The following THSD7A variants were observed in gnomAD, a reference collection of about 807,000 sequenced individuals.
THSD7A encodes the protein thrombospondin type-1 domain-containing protein 7A.
THSD7A carries 96 observed loss-of-function variants against 231.3 expected under a neutral mutation model. The ratio of observed to expected loss-of-function variants is 0.41; its 90% confidence interval spans 0.35 to 0.49. The LOEUF (loss-of-function observed/expected upper bound fraction) is 0.49. Among genes scored for constraint, THSD7A ranks in the 20% least tolerant of loss-of-function variants. The probability of loss-of-function intolerance (pLI) is 0.05; values close to 1 mark genes in which losing one functional copy is unlikely to be tolerated. For missense variants in THSD7A, 2,290 were observed against 2,070.2 expected (o/e 1.11, Z -2.06); for synonymous variants, 940 against 743.3 (o/e 1.26, Z -4.30).
chr7:11,719,164 T>C (rs1374721803), intron 1 of THSD7A, among the ~76,000 whole-genome samples: 2 of 151,622 alleles, frequency 1.3e-5, no homozygotes, highest in Admixed American at 6.6e-5. Context: ...ATTTAAAACA[T>C]AGATTAGCAA....
In THSD7A at chr7:11,739,307, T is replaced by G. The variant is rs79909574; in HGVS notation, c.190+92450A>C. Among the ~76,000 whole-genome samples the G allele has an allele frequency of 4.4e-4, 67 of 152,122 alleles. 2 individuals carry two copies. The East Asian group carries it at 0.013, about 29-fold the overall frequency. ...AAATATAGACAATGGAATTAAAATT[T>G]AAGACAGTGTTAACTTGAAGGTCCT... On this transcript the variant is annotated intron_variant, in intron 1 of 27. Coordinates refer to ENST00000423059, the MANE Select transcript of THSD7A (RefSeq NM_015204.3).
At chr7:11,689,885 G>C (rs1345600275) in intron 1 of THSD7A, among the ~76,000 whole-genome samples, 1 of 149,628 alleles carries the variant, frequency 6.7e-6, no homozygotes, top group Non-Finnish European at 1.5e-5. Flanking sequence ...CCAGAGATTT[G>C]TATCTGCCCA....
Position 11,758,010 on chromosome 7 carries a change from C to CATATATATATAT in THSD7A, c.190+73735_190+73746dup, listed in dbSNP as rs3037680. Among the ~76,000 whole-genome samples the CATATATATATAT allele has an allele frequency of 1.5e-3, 208 of 142,802 alleles. 2 individuals are homozygous for CATATATATATAT. In the East Asian group the frequency reaches 0.019, roughly 13 times the overall value. 93.7% of individuals were successfully genotyped at this position (142,802 alleles called of 152,430 possible). Reference sequence around the variant, plus strand: ...CTAACATTATATATACATATGCATTCATATATATATATATATATATATATA... The same window carrying CATATATATATAT: ...CTAACATTATATATACATATGCATTCATATATATATATATATATATATATATATATATATATA... On this transcript the variant is annotated intron_variant, in intron 1 of 27. Coordinates refer to ENST00000423059, the MANE Select transcript of THSD7A (RefSeq NM_015204.3).
At chr7:11,597,859 G>C (rs1780419809) in intron 2 of THSD7A, among the ~76,000 whole-genome samples, 1 of 152,184 alleles carries the variant, frequency 6.6e-6, no homozygotes, top group African/African-American at 2.4e-5. Flanking sequence ...ACATGAGGAA[G>C]TGGCTCAAAT....
Position 11,820,590 on chromosome 7 carries a change from C to G in THSD7A, c.190+11167G>C, listed in dbSNP as rs1020709398. 9 of 711,514 alleles carry G rather than the reference C, an allele frequency of 1.3e-5. No homozygotes were observed. The African/African-American group carries it at 1.6e-4, about 13-fold the overall frequency. 44.1% of individuals were successfully genotyped at this position (711,514 alleles called of 1,614,324 possible). A position where few individuals can be genotyped will look rare whatever the true frequency, so the allele number is the denominator to read the frequency against. ...GTTATTGTTCCCAGAGTAGTTGCCT[C>G]TGTCCTGGCCTCTTCCTCTGGCTTG... On this transcript the variant is annotated intron_variant, in intron 1 of 27. Coordinates refer to ENST00000423059, the MANE Select transcript of THSD7A (RefSeq NM_015204.3).
chr7:11,710,099 T>TAAA (rs527947564), intron 1 of THSD7A, among the ~76,000 whole-genome samples: 3 of 150,424 alleles, frequency 2.0e-5, no homozygotes, highest in Non-Finnish European at 4.5e-5. Context: ...TATTTTTTTT[T>TAAA]AAAAAATGAG....
intron 1 of THSD7A, among the ~76,000 whole-genome samples, chr7:11,646,572 G>A (rs1405327): frequency 2.6e-5 from 4 of 151,784 alleles, no homozygotes; most frequent in Admixed American, 1.3e-4. Flanking sequence ...ATGTGAAATG[G>A]ACAAAACTTT....
intron 22 of THSD7A, among the ~76,000 whole-genome samples, chr7:11,403,170 A>C (rs7777321): frequency 0.42 from 63,320 of 151,956 alleles, 14,109 homozygotes; most frequent in African/African-American, 0.58. Context: ...CTTATTTATT[A>C]TAGCCAGGTC....
intron 1 of THSD7A, among the ~76,000 whole-genome samples, chr7:11,721,635 C>T (rs765281886): frequency 6.6e-6 from 1 of 151,888 alleles, no homozygotes; most frequent in African/African-American, 2.4e-5. Flanking sequence ...TGCCTCTCAT[C>T]TGGATTACTA....
intron 23 of THSD7A, among the ~76,000 whole-genome samples, chr7:11,393,239 G>T (rs1176713112): frequency 6.6e-6 from 1 of 152,208 alleles, no homozygotes; most frequent in African/African-American, 2.4e-5. Flanking sequence ...GTGATATCCA[G>T]GCAAACAGGG....
intron 1 of THSD7A, among the ~76,000 whole-genome samples, chr7:11,734,990 A>G (rs989798475): frequency 5.9e-5 from 9 of 151,960 alleles, no homozygotes; most frequent in Non-Finnish European, 1.0e-4. Flanking sequence ...GCCCACCTAT[A>G]TAAGTTGTAA....
chr7:11,372,955 C>T lies in THSD7A; in HGVS notation c.*2839G>A, dbSNP rs990373616. ...CGTTCTCCTCTTTCCACCTTTCTAA[C>T]GAGGTTATCCAGTATTTATTTATCC... On this transcript the variant is annotated 3_prime_UTR_variant, in exon 28 of 28. Coordinates refer to ENST00000423059, the MANE Select transcript of THSD7A (RefSeq NM_015204.3). The T allele has an allele frequency of 2.6e-5, 4 of 151,826 alleles. No homozygotes were observed. Among genetic ancestry groups the T allele is most frequent in the Non-Finnish European group, 5.9e-5 (4 of 67,934 alleles). 9.4% of individuals were successfully genotyped at this position (151,826 alleles called of 1,614,324 possible). A position where few individuals can be genotyped will look rare whatever the true frequency, so the allele number is the denominator to read the frequency against.
chr7:11,622,507 G>A (rs1010931363), intron 2 of THSD7A, among the ~76,000 whole-genome samples: 2 of 152,108 alleles, frequency 1.3e-5, no homozygotes, highest in South Asian at 4.1e-4. Flanking sequence ...GAAATAAGTT[G>A]TAAAGTTCTG....
chr7:11,760,258 A>C (rs1051229503), intron 1 of THSD7A, among the ~76,000 whole-genome samples: 1 of 152,132 alleles, frequency 6.6e-6, no homozygotes, highest in African/African-American at 2.4e-5. Context: ...AGTAAAGTTA[A>C]GTACATTTGC....
chr7:11,648,637 C>CGTGTGTGTGTGTGTGTGTGT (rs3031455), intron 1 of THSD7A, among the ~76,000 whole-genome samples: 1,580 of 141,092 alleles, frequency 0.011, 31 homozygotes, highest in African/African-American at 0.025. Context: ...TATTTTGTGG[C>CGTGTGTGTGTGTGTGTGTGT]GTGTGTGTGT....
At chr7:11,829,084 A>T (rs1423672405) in intron 1 of THSD7A, among the ~76,000 whole-genome samples, 1 of 152,022 alleles carries the variant, frequency 6.6e-6, no homozygotes, top group Non-Finnish European at 1.5e-5. Context: ...AATATAGTAT[A>T]TAATACATAT....
At chr7:11,482,018 T>G in intron 6 of THSD7A, 36 bp from the exon 7 acceptor site, 1 of 1,530,730 alleles carries the variant, frequency 6.5e-7, no homozygotes, top group Non-Finnish European at 8.8e-7. Context: ...CTATTATTGT[T>G]AAATTAATGT....
At chr7:11,721,254 C>T (rs1299243633) in intron 1 of THSD7A, among the ~76,000 whole-genome samples, 2 of 151,790 alleles carry the variant, frequency 1.3e-5, no homozygotes, top group African/African-American at 2.4e-5. Flanking sequence ...ACTCAAATTT[C>T]CTGTCAAATT....
intron 1 of THSD7A, among the ~76,000 whole-genome samples, chr7:11,681,465 G>A (rs1262784048): frequency 6.6e-6 from 1 of 151,888 alleles, no homozygotes; most frequent in Non-Finnish European, 1.5e-5. Flanking sequence ...GAATACAGCT[G>A]GAAGCCCCAA....
Sources: allele counts gnomAD v4.1 joint callset (sites outside exome capture counted in the v4.1 genomes callset), GRCh38; gene constraint gnomAD v4.1.1; transcripts MANE v1.5; gene names NCBI Gene and HGNC (gene_info 2026-07-23, HGNC 2026-07-21).